The following CHODL variants were observed in gnomAD, a reference collection of about 807,000 sequenced individuals.
The protein encoded by CHODL is chondrolectin, also known as transmembrane protein MT75.
A neutral mutation model predicts 34.5 loss-of-function variants in CHODL; 29 were observed. That is an observed-to-expected ratio of 0.84 (90% CI 0.63 to 1.15). CHODL has a LOEUF of 1.15. CHODL is among the 50% of genes most tolerant of loss of function. The probability of loss-of-function intolerance (pLI) is 0.00; values close to 1 mark genes in which losing one functional copy is unlikely to be tolerated. For missense variants in CHODL, 332 were observed against 332.5 expected, an observed-to-expected ratio of 1.00 and a Z score of 0.01; for synonymous variants, 125 against 116.1, an observed-to-expected ratio of 1.08 and a Z score of -0.49.
intron 2 of CHODL, among the ~76,000 whole-genome samples, chr21:18,126,160 A>G (rs1430680104): frequency 6.6e-6 from 1 of 152,198 alleles, no homozygotes; most frequent in Non-Finnish European, 1.5e-5. Context: ...TCTTAAAAAA[A>G]TTGCCACAGC....
chr21:18,239,166 A>G (rs1345255929), intron 2 of CHODL, among the ~76,000 whole-genome samples: 3 of 152,142 alleles, frequency 2.0e-5, no homozygotes, highest in African/African-American at 7.2e-5. Flanking sequence ...TTTGGAATGT[A>G]GAATATGTAT....
intron 2 of CHODL, among the ~76,000 whole-genome samples, chr21:18,146,160 G>A (rs576327489): frequency 2.9e-5 from 4 of 138,008 alleles, no homozygotes; most frequent in Admixed American, 1.4e-4. Flanking sequence ...TGTATTTTTA[G>A]TAGAGACGGG....
intron 2 of CHODL, among the ~76,000 whole-genome samples, chr21:18,149,054 GA>G (rs760170365): frequency 1.3e-5 from 2 of 152,074 alleles, no homozygotes; most frequent in African/African-American, 2.4e-5. Context: ...CATTCTGTTT[GA>G]ATTTGTTTTC....
At chr21:17,930,840 T>C (rs2063266619) in intron 1 of CHODL, among the ~76,000 whole-genome samples, 1 of 152,182 alleles carries the variant, frequency 6.6e-6, no homozygotes, top group Admixed American at 6.5e-5. Context: ...GCAGTGTTCC[T>C]ACACTGGAGA....
intron 2 of CHODL, among the ~76,000 whole-genome samples, chr21:18,223,979 G>A (rs1013359525): frequency 6.6e-6 from 1 of 152,160 alleles, no homozygotes; most frequent in Non-Finnish European, 1.5e-5. Context: ...CTAGTTGCTG[G>A]AGGGAAATAG....
chr21:18,187,060 A>G (rs886621145), intron 2 of CHODL, among the ~76,000 whole-genome samples: 9 of 152,188 alleles, frequency 5.9e-5, no homozygotes, highest in Non-Finnish European at 1.3e-4. Context: ...TAATACAGCA[A>G]AAGTCAGCAA....
At chr21:18,176,347 T>C (rs2073311979) in intron 2 of CHODL, among the ~76,000 whole-genome samples, 1 of 152,178 alleles carries the variant, frequency 6.6e-6, no homozygotes, top group Admixed American at 6.5e-5. Flanking sequence ...TTTCATAAAA[T>C]CAAAGGCTAG....
At chr21:17,983,357 A>C (rs1486507009) in intron 1 of CHODL, among the ~76,000 whole-genome samples, 3 of 152,204 alleles carry the variant, frequency 2.0e-5, no homozygotes, top group African/African-American at 7.2e-5. Context: ...TCATACATAC[A>C]TCTTGTGACC....
chr21:18,087,478 G>T (rs2146524128), intron 2 of CHODL, among the ~76,000 whole-genome samples: 1 of 152,258 alleles, frequency 6.6e-6, no homozygotes, highest in Middle Eastern at 3.4e-3. Flanking sequence ...AAGCTGTGGG[G>T]AATGTAGTCC....
At chr21:18,120,661 C>T (rs562261044) in intron 2 of CHODL, among the ~76,000 whole-genome samples, 56 of 152,126 alleles carry the variant, frequency 3.7e-4, no homozygotes, top group South Asian at 1.0e-3. Context: ...CTATGTCTAT[C>T]TATACATATA....
intron 2 of CHODL, among the ~76,000 whole-genome samples, chr21:18,178,987 T>C (rs893286265): frequency 7.2e-5 from 11 of 152,198 alleles, no homozygotes; most frequent in African/African-American, 2.4e-4. Flanking sequence ...TTCTGGAAGT[T>C]TATCTTGTTT....
intron 2 of CHODL, among the ~76,000 whole-genome samples, chr21:18,134,584 C>T (rs979423396): frequency 3.9e-5 from 6 of 152,170 alleles, no homozygotes; most frequent in Non-Finnish European, 8.8e-5. Context: ...ATGGGCTTAA[C>T]GTATTATGCA....
At chr21:17,998,143 A>G (rs540204550) in intron 1 of CHODL, among the ~76,000 whole-genome samples, 104 of 152,322 alleles carry the variant, frequency 6.8e-4, no homozygotes, top group African/African-American at 2.2e-3. Flanking sequence ...AATTGGCCAA[A>G]GCAAAGTGGT....
intron 2 of CHODL, among the ~76,000 whole-genome samples, chr21:18,195,773 A>T (rs2073579964): frequency 6.6e-6 from 1 of 152,194 alleles, no homozygotes; most frequent in Admixed American, 6.5e-5. Flanking sequence ...GAGGTTATAT[A>T]TTACCTGTAT....
chr21:17,957,288 C>T (rs1240481997), intron 1 of CHODL, among the ~76,000 whole-genome samples: 40 of 152,112 alleles, frequency 2.6e-4, no homozygotes, highest in Admixed American at 2.5e-3. Context: ...GTCTATTCTT[C>T]GGTTGCAGAA....
At chr21:17,938,614 G>C (rs1414309313) in intron 1 of CHODL, among the ~76,000 whole-genome samples, 3 of 151,640 alleles carry the variant, frequency 2.0e-5, no homozygotes, top group African/African-American at 7.3e-5. Flanking sequence ...GAGTAGCTGG[G>C]ACTACAGGCG....
At chr21:18,155,882 T>TA (rs771640467) in intron 2 of CHODL, among the ~76,000 whole-genome samples, 1 of 152,170 alleles carries the variant, frequency 6.6e-6, no homozygotes, top group Non-Finnish European at 1.5e-5. Flanking sequence ...AAAGGCCACT[T>TA]ACAGTAAATA....
chr21:18,226,131 A>G lies in CHODL; in HGVS notation c.-44-30378A>G, dbSNP rs140694609. On this transcript the variant is annotated intron_variant, in intron 2 of 6. Coordinates refer to the CHODL transcript ENST00000400127. ...GCCTTGTAAGGTAGCTCTTGTTACA[A>G]TAGCTGTGATGGCTACCAACTTTGA... 3.0e-4 allele frequency among the ~76,000 whole-genome samples: 46 copies of G among 152,268 alleles called. 1 individual carries two copies. The highest frequency in any genetic ancestry group is 1.0e-3 in the African/African-American group (42 of 41,564).
At chr21:17,967,968 G>T (rs1181366524) in intron 1 of CHODL, among the ~76,000 whole-genome samples, 1 of 152,140 alleles carries the variant, frequency 6.6e-6, no homozygotes. Context: ...ACCCATGAGT[G>T]GAACAATGGT....
Sources: allele counts gnomAD v4.1 joint callset (sites outside exome capture counted in the v4.1 genomes callset), GRCh38; gene constraint gnomAD v4.1.1; transcripts MANE v1.5; gene names NCBI Gene and HGNC (gene_info 2026-07-23, HGNC 2026-07-21).